REDIC1: variants seen among roughly 807,000 people sequenced by gnomAD.
REDIC1 encodes the protein regulator of DNA class I crossover intermediates 1.
At chr12:39,853,831 G>T in the REDIC1 span, among the ~76,000 whole-genome samples, 1 of 151,926 alleles carries the variant, frequency 6.6e-6, no homozygotes, top group Admixed American at 6.6e-5. Context: ...AAGGAACTTT[G>T]GCCACTAAAT....
the REDIC1 span, among the ~76,000 whole-genome samples, chr12:39,629,723 A>G: frequency 6.6e-6 from 1 of 152,208 alleles, no homozygotes; most frequent in African/African-American, 2.4e-5. Context: ...ATAACAGTGC[A>G]TTTCAAACCA....
chr12:39,882,036 C>T, the REDIC1 span, among the ~76,000 whole-genome samples: 5 of 152,260 alleles, frequency 3.3e-5, no homozygotes, highest in Admixed American at 3.3e-4. Context: ...TCTCAAGGCT[C>T]ACTTACTTGA....
chr12:39,715,126 A>C, the REDIC1 span, among the ~76,000 whole-genome samples: 2 of 151,968 alleles, frequency 1.3e-5, no homozygotes, highest in East Asian at 3.9e-4. Flanking sequence ...CTTGGTCATG[A>C]AATCCTTGCC....
the REDIC1 span, chr12:39,908,154 T>C: frequency 1.3e-5 from 2 of 152,022 alleles, no homozygotes; most frequent in African/African-American, 4.8e-5. Context: ...AGCTGCATGA[T>C]AGTGATGTAG....
the REDIC1 span, among the ~76,000 whole-genome samples, chr12:39,748,998 C>T: frequency 4.6e-5 from 7 of 151,966 alleles, no homozygotes; most frequent in African/African-American, 1.7e-4. Context: ...CCTAACATCA[C>T]AATTAGAAGA....
the REDIC1 span, among the ~76,000 whole-genome samples, chr12:39,700,069 A>G: frequency 3.3e-5 from 5 of 152,204 alleles, no homozygotes; most frequent in Non-Finnish European, 7.3e-5. Flanking sequence ...CTCACCAGCA[A>G]CGGAACAAAG....
chr12:39,761,839 A>G, the REDIC1 span, among the ~76,000 whole-genome samples: 1 of 152,100 alleles, frequency 6.6e-6, no homozygotes, highest in Non-Finnish European at 1.5e-5. Context: ...CAGCAAACCC[A>G]GTTTGACTTT....
At chr12:39,853,773 T>A in the REDIC1 span, among the ~76,000 whole-genome samples, 1 of 152,110 alleles carries the variant, frequency 6.6e-6, no homozygotes, top group African/African-American at 2.4e-5. Context: ...ATAATCTATA[T>A]CTGTTTAGGA....
chr12:39,889,427 T>A, the REDIC1 span, among the ~76,000 whole-genome samples: 14 of 152,188 alleles, frequency 9.2e-5, no homozygotes, highest in Admixed American at 8.5e-4. Context: ...TACCCTATAT[T>A]TTACAACTGC....
chr12:39,794,386 A>C, the REDIC1 span, among the ~76,000 whole-genome samples: 1 of 152,232 alleles, frequency 6.6e-6, no homozygotes, highest in Non-Finnish European at 1.5e-5. Context: ...TGGTATTGTT[A>C]AATTACATTT....
the REDIC1 span, among the ~76,000 whole-genome samples, chr12:39,777,662 C>A: frequency 6.6e-6 from 1 of 152,042 alleles, no homozygotes; most frequent in East Asian, 1.9e-4. Flanking sequence ...GGCTGGATGT[C>A]GAGAGAAGCA....
chr12:39,843,928 T>C, the REDIC1 span, among the ~76,000 whole-genome samples: 1 of 152,002 alleles, frequency 6.6e-6, no homozygotes, highest in Non-Finnish European at 1.5e-5. Context: ...GTTATCAGTA[T>C]GCTTTTTTCC....
At chr12:39,824,074 T>C in the REDIC1 span, among the ~76,000 whole-genome samples, 17 of 152,234 alleles carry the variant, frequency 1.1e-4, no homozygotes, top group African/African-American at 4.1e-4. Context: ...ACTTGATGTA[T>C]ATAAAACACC....
the REDIC1 span, among the ~76,000 whole-genome samples, chr12:39,748,425 T>C: frequency 6.6e-6 from 1 of 152,134 alleles, no homozygotes; most frequent in Non-Finnish European, 1.5e-5. Context: ...TAAAGCAAGT[T>C]CTTAGAGACC....
At chr12:39,711,445 A>G in the REDIC1 span, among the ~76,000 whole-genome samples, 3 of 47,344 alleles carry the variant, frequency 6.3e-5, no homozygotes, top group South Asian at 1.6e-3. Flanking sequence ...ATATGTGTGT[A>G]CATATATACA....
the REDIC1 span, among the ~76,000 whole-genome samples, chr12:39,657,970 C>T: frequency 6.6e-6 from 1 of 151,918 alleles, no homozygotes; most frequent in African/African-American, 2.4e-5. Flanking sequence ...GGTTTGAAAC[C>T]ATTCTTCTTT....
At chr12:39,829,407 T>TC in the REDIC1 span, 1 of 101,090 alleles carries the variant, frequency 9.9e-6, no homozygotes, top group Non-Finnish European at 2.0e-5. Context: ...TTTTTTTTTT[T>TC]TTTTTTTTCT....
chr12:39,799,930 T>C, the REDIC1 span, among the ~76,000 whole-genome samples: 1 of 152,170 alleles, frequency 6.6e-6, no homozygotes, highest in African/African-American at 2.4e-5. Context: ...TCAGAATCCT[T>C]AGAGTAAGAA....
the REDIC1 span, among the ~76,000 whole-genome samples, chr12:39,772,703 GA>G: frequency 3.0e-4 from 46 of 152,286 alleles, no homozygotes; most frequent in African/African-American, 1.1e-3. Context: ...AAGATTCACT[GA>G]ACAATTTTCT....
Sources: allele counts gnomAD v4.1 joint callset (sites outside exome capture counted in the v4.1 genomes callset), GRCh38; gene constraint gnomAD v4.1.1; transcripts MANE v1.5; gene names NCBI Gene and HGNC (gene_info 2026-07-23, HGNC 2026-07-21).